NDUFAF2: variants seen among roughly 807,000 people sequenced by gnomAD.
The protein encoded by NDUFAF2 is NADH:ubiquinone oxidoreductase complex assembly factor 2, also known as NADH dehydrogenase [ubiquinone] 1 alpha subcomplex assembly factor 2.
A neutral mutation model predicts 22.8 loss-of-function variants in NDUFAF2; 13 were observed. That is an observed-to-expected ratio of 0.57 (90% CI 0.37 to 0.91). The LOEUF (loss-of-function observed/expected upper bound fraction) is 0.91. Ranked by LOEUF, NDUFAF2 falls within the 40% of genes least tolerant of loss-of-function variation. NDUFAF2 has a pLI of 0.01. For synonymous variants in NDUFAF2, 53 were observed against 64.2 expected, an observed-to-expected ratio of 0.83 and a Z score of 0.84; for missense variants, 162 against 195.2, an observed-to-expected ratio of 0.83 and a Z score of 1.01.
At chr5:61,132,077 C>T (rs989493419) in intron 3 of NDUFAF2, among the ~76,000 whole-genome samples, 1 of 152,050 alleles carries the variant, frequency 6.6e-6, no homozygotes, top group African/African-American at 2.4e-5. Flanking sequence ...AAATGGCAAG[C>T]GGATTAAATG....
At chr5:60,996,063 G>A (rs530311971) in intron 1 of NDUFAF2, among the ~76,000 whole-genome samples, 2 of 152,240 alleles carry the variant, frequency 1.3e-5, no homozygotes, top group East Asian at 1.9e-4. Context: ...CTGGTCCAGG[G>A]TAGGTCTAAA....
intron 1 of NDUFAF2, among the ~76,000 whole-genome samples, chr5:61,061,475 A>G (rs907384419): frequency 6.6e-6 from 1 of 152,120 alleles, no homozygotes; most frequent in Non-Finnish European, 1.5e-5. Flanking sequence ...TAGACTCTTC[A>G]TAATTATTGA....
chr5:61,065,098 C>T (rs761060073), intron 1 of NDUFAF2, among the ~76,000 whole-genome samples: 5 of 151,794 alleles, frequency 3.3e-5, no homozygotes, highest in Non-Finnish European at 7.4e-5. Flanking sequence ...AATTGGATAA[C>T]CTAGAGGAAA....
intron 2 of NDUFAF2, among the ~76,000 whole-genome samples, chr5:61,079,058 G>A (rs1186488283): frequency 6.6e-6 from 1 of 152,268 alleles, no homozygotes; most frequent in East Asian, 1.9e-4. Context: ...GAAAGGCCCT[G>A]ATCCAGTTAA....
intron 2 of NDUFAF2, among the ~76,000 whole-genome samples, chr5:61,080,784 ATGGCTTGTCTTTTCAT>A (rs892594243): frequency 5.1e-4 from 78 of 152,220 alleles, no homozygotes; most frequent in Admixed American, 2.2e-3. Context: ...TTCACAGTCT[ATGGCTTGTCTTTTCAT>A]TGGCTTGTCT....
chr5:60,971,450 C>A (rs1257612099), intron 1 of NDUFAF2, among the ~76,000 whole-genome samples: 1 of 152,014 alleles, frequency 6.6e-6, no homozygotes, highest in African/African-American at 2.4e-5. Context: ...CCGTGCCCGG[C>A]TAATTTTTTT....
At chr5:61,107,225 C>G (rs189057110) in intron 3 of NDUFAF2, among the ~76,000 whole-genome samples, 1 of 151,446 alleles carries the variant, frequency 6.6e-6, no homozygotes, top group Non-Finnish European at 1.5e-5. Context: ...GTTCCCTTTT[C>G]TCCACATTTT....
intron 1 of NDUFAF2, among the ~76,000 whole-genome samples, chr5:61,015,164 T>C (rs1022110858): frequency 1.3e-4 from 20 of 152,218 alleles, no homozygotes; most frequent in African/African-American, 4.6e-4. Context: ...TGAAAGTAGG[T>C]CATATCTAAT....
intron 3 of NDUFAF2, chr5:61,146,404 C>A (rs1254637410): frequency 6.6e-6 from 1 of 152,140 alleles, no homozygotes; most frequent in African/African-American, 2.4e-5. Context: ...TACAAGGTTT[C>A]CATCTTGTAT....
At chr5:61,099,119 A>C (rs1027075793) in intron 3 of NDUFAF2, 87 bp downstream of exon 3, 2 of 872,032 alleles carry the variant, frequency 2.3e-6, no homozygotes, top group Non-Finnish European at 3.4e-6. Flanking sequence ...GTATTTTCTC[A>C]AAGTGTTGAT....
intron 1 of NDUFAF2, among the ~76,000 whole-genome samples, chr5:60,987,597 G>A (rs1751099700): frequency 6.6e-6 from 1 of 152,134 alleles, no homozygotes. Flanking sequence ...GATCAAGTAG[G>A]CTCTATCCCT....
intron 1 of NDUFAF2, among the ~76,000 whole-genome samples, chr5:61,022,032 G>A (rs913875041): frequency 3.3e-5 from 5 of 152,164 alleles, no homozygotes; most frequent in Non-Finnish European, 7.4e-5. Flanking sequence ...CCTTCAATTG[G>A]TTGGATGAAG....
intron 1 of NDUFAF2, among the ~76,000 whole-genome samples, chr5:60,993,546 C>A (rs912084798): frequency 2.6e-5 from 4 of 152,164 alleles, no homozygotes; most frequent in African/African-American, 9.7e-5. Context: ...TCAGATGAGA[C>A]CCTGGAGTGG....
chr5:61,121,849 T>C (rs1439498705), intron 3 of NDUFAF2, among the ~76,000 whole-genome samples: 5 of 151,352 alleles, frequency 3.3e-5, no homozygotes, highest in Admixed American at 6.6e-5. Flanking sequence ...TTCTTTTTTT[T>C]TTTGACAGTC....
chr5:60,982,950 T>A (rs765361207), intron 1 of NDUFAF2, among the ~76,000 whole-genome samples: 9 of 151,906 alleles, frequency 5.9e-5, no homozygotes, highest in Non-Finnish European at 1.2e-4. Flanking sequence ...GTATTTCTAG[T>A]TCTAGATTCC....
intron 3 of NDUFAF2, among the ~76,000 whole-genome samples, chr5:61,139,453 AAG>A (rs2111823721): frequency 6.6e-6 from 1 of 152,378 alleles, no homozygotes; most frequent in South Asian, 2.1e-4. Context: ...TATAGTAAAA[AAG>A]AGGGCTAGAA....
chr5:61,051,682 A>G (rs72759211), intron 1 of NDUFAF2, among the ~76,000 whole-genome samples: 3,665 of 152,232 alleles, frequency 0.024, 66 homozygotes, highest in Admixed American at 0.056. Context: ...TTGTATAGGG[A>G]TGGTGTTAGA....
chr5:61,109,043 G>T (rs1426322689), intron 3 of NDUFAF2, among the ~76,000 whole-genome samples: 1 of 151,950 alleles, frequency 6.6e-6, no homozygotes. Context: ...GATTGCTTTG[G>T]GTAATATGGA....
At chr5:60,968,986 A>G (rs1180308361) in intron 1 of NDUFAF2, among the ~76,000 whole-genome samples, 1 of 152,100 alleles carries the variant, frequency 6.6e-6, no homozygotes, top group Non-Finnish European at 1.5e-5. Flanking sequence ...TGCTGGGCTT[A>G]TTCCACTTTG....
Sources: allele counts gnomAD v4.1 joint callset (sites outside exome capture counted in the v4.1 genomes callset), GRCh38; gene constraint gnomAD v4.1.1; transcripts MANE v1.5; gene names NCBI Gene and HGNC (gene_info 2026-07-23, HGNC 2026-07-21).